ABCC1: variants seen among roughly 807,000 people sequenced by gnomAD.
ABCC1 encodes the protein multidrug resistance-associated protein 1.
In ABCC1, 83 loss-of-function variants were observed where a neutral mutation model predicts 172.9. The ratio of observed to expected loss-of-function variants is 0.48; its 90% CI spans 0.40 to 0.58. ABCC1 has a LOEUF of 0.58. ABCC1 is among the 20% of genes least tolerant of loss of function. ABCC1 has a pLI of 0.00. For synonymous variants in ABCC1, 937 were observed against 825.2 expected, an observed-to-expected ratio of 1.14 and a Z score of -2.32; for missense variants, 1,817 against 2,002.7, an observed-to-expected ratio of 0.91 and a Z score of 1.77.
intron 13 of ABCC1, among the ~76,000 whole-genome samples, chr16:16,069,608 A>C (rs1231003767): frequency 6.6e-6 from 1 of 152,160 alleles, no homozygotes; most frequent in East Asian, 1.9e-4. Context: ...AAAATTTGGT[A>C]GTACAAGGCT....
intron 14 of ABCC1, among the ~76,000 whole-genome samples, chr16:16,072,478 C>A (rs1448718401): frequency 9.2e-6 from 1 of 108,508 alleles, no homozygotes; most frequent in African/African-American, 3.6e-5. Context: ...AGCCAGTTCT[C>A]CTGGCCTTTT....
intron 21 of ABCC1, among the ~76,000 whole-genome samples, chr16:16,108,927 A>G (rs950739238): frequency 6.6e-6 from 1 of 151,896 alleles, no homozygotes; most frequent in Non-Finnish European, 1.5e-5. Flanking sequence ...AGCCCACCAC[A>G]TTCCACTACT....
At chr16:16,026,432 C>CAAAAAAAA (rs386384354) in intron 5 of ABCC1, among the ~76,000 whole-genome samples, 1 of 59,214 alleles carries the variant, frequency 1.7e-5, no homozygotes, top group African/African-American at 8.6e-5. Context: ...GAAACCGTCT[C>CAAAAAAAA]AAAAAAAAAA....
At position 16,039,020 on chromosome 16, in the gene ABCC1, C is replaced by T. The variant is rs1054153383; in HGVS notation, c.809+2417C>T. Among the ~76,000 whole-genome samples the T allele has an allele frequency of 3.3e-5, 5 of 152,206 alleles. No individual in the cohort carries two copies. In the East Asian group the frequency reaches 5.8e-4, roughly 18 times the overall value. On this transcript the variant is annotated intron_variant, in intron 7 of 30. Coordinates refer to ENST00000399410, the MANE Select transcript of ABCC1 (RefSeq NM_004996.4). ...AACTGACTGCTGCTTTTGTGCTTAG[C>T]GACGTTTAGTCCCTGAGGGTTCAGA...
chr16:15,990,961 C>A (rs974456127), intron 1 of ABCC1, among the ~76,000 whole-genome samples: 5 of 151,922 alleles, frequency 3.3e-5, no homozygotes, highest in African/African-American at 1.2e-4. Flanking sequence ...CTGCGCCCGG[C>A]CAGGATTTCT....
chr16:16,094,802 A>G (rs1469195103), intron 19 of ABCC1, among the ~76,000 whole-genome samples: 4 of 140,210 alleles, frequency 2.9e-5, no homozygotes, highest in Non-Finnish European at 4.5e-5. Flanking sequence ...GGCGTGAGCC[A>G]CTGCGCCTGG....
intron 13 of ABCC1, 51 bp downstream of exon 13, chr16:16,068,353 G>A (rs1322450423): frequency 1.2e-6 from 2 of 1,604,180 alleles, no homozygotes; most frequent in East Asian, 4.5e-5. Context: ...GGGGTTCTAG[G>A]CCACGAAAGC....
In ABCC1 at chr16:16,114,887, C is replaced by G; in HGVS notation, c.3201C>G (p.Thr1067=). The change falls in exon 23 of 31, where the codon ACC becomes ACG. Residue 1067 remains threonine (T), a synonymous_variant. Coordinates refer to ENST00000399410, the MANE Select transcript of ABCC1 (RefSeq NM_004996.4). ...CACCCATGAGCTTCTTTGAGCGGAC[C>G]CCCAGTGGGAACCTGGTGAACCGCT... ...LRSPMSFFER[T]PSGNLVNRFS... 6.2e-7 allele frequency: 1 copy of G among 1,613,910 alleles called. No homozygotes were observed.
chr16:15,997,260 T>C (rs2047090139), intron 1 of ABCC1, among the ~76,000 whole-genome samples: 1 of 152,048 alleles, frequency 6.6e-6, no homozygotes, highest in South Asian at 2.1e-4. Flanking sequence ...CTGGTGAATT[T>C]TTTTGTATTT....
chr16:16,038,081 A>T (rs1487896425), intron 7 of ABCC1, among the ~76,000 whole-genome samples: 2 of 150,912 alleles, frequency 1.3e-5, no homozygotes, highest in Admixed American at 6.6e-5. Flanking sequence ...AGATAGATGG[A>T]TGATAGATTG....
intron 14 of ABCC1, chr16:16,076,077 C>T (rs559743746): frequency 2.1e-5 from 11 of 514,510 alleles, no homozygotes; most frequent in South Asian, 8.5e-5. Flanking sequence ...GTCCAGATGG[C>T]GCAACCCCAT....
At chr16:16,071,521 C>CAGA in intron 13 of ABCC1, 121 bp from the exon 14 acceptor site, 1 of 697,510 alleles carries the variant, frequency 1.4e-6, no homozygotes, top group East Asian at 2.7e-5. Flanking sequence ...GTGGGACCTT[C>CAGA]AGAAATAAGG....
In ABCC1 at chr16:16,141,584, T is replaced by C. The variant is rs1848487517; in HGVS notation, c.*303T>C. The C allele has an allele frequency of 2.7e-6, 1 of 366,960 alleles. No individual in the cohort carries two copies. The highest frequency in any genetic ancestry group is 5.0e-5 in the South Asian group (1 of 20,050). 22.7% of individuals were successfully genotyped at this position (366,960 alleles called of 1,614,324 possible). A position where few individuals can be genotyped will look rare whatever the true frequency, so the allele number is the denominator to read the frequency against. ...AGGAATGCAAGTGGTTTCCTGGTGCTTCCCACGGAGGAGTTTTGGCAGCCA... is the reference window on the plus strand; with the variant it reads ...AGGAATGCAAGTGGTTTCCTGGTGCCTCCCACGGAGGAGTTTTGGCAGCCA... On this transcript the variant is annotated 3_prime_UTR_variant, in exon 31 of 31. Coordinates refer to ENST00000399410, the MANE Select transcript of ABCC1 (RefSeq NM_004996.4).
In ABCC1 at chr16:16,134,369, C is replaced by T. The variant is rs1315453560; in HGVS notation, c.3986C>T (p.Thr1329Met). Residue 1329 changes from threonine (T) to methionine (M), a missense_variant, in exon 28 of 31, where the codon ACG becomes ATG. Around this residue, in one of 3 missense-constraint regions of ABCC1, gnomAD observed 1,412 missense variants for 1,600.3 expected, o/e 0.88. Coordinates refer to ENST00000399410, the MANE Select transcript of ABCC1 (RefSeq NM_004996.4). ...GGEKVGIVGR[T>M]GAGKSSLTLG... ...CTGCAGGTCGGCATCGTGGGGCGGA[C>T]GGGAGCTGGGAAGTCGTCCCTGACC... 5 of 1,613,906 alleles carry T rather than the reference C, an allele frequency of 3.1e-6. No homozygotes were observed. Among genetic ancestry groups the T allele is most frequent in the African/African-American group, 1.3e-5 (1 of 74,872 alleles).
At chr16:16,055,714 TCTAAC>T (rs2049621392) in intron 11 of ABCC1, among the ~76,000 whole-genome samples, 1 of 151,962 alleles carries the variant, frequency 6.6e-6, no homozygotes. Flanking sequence ...TTCTCCAATG[TCTAAC>T]CTAACGTGAT....
chr16:16,048,745 G>A (rs1405417041), intron 10 of ABCC1, among the ~76,000 whole-genome samples: 1 of 152,190 alleles, frequency 6.6e-6, no homozygotes, highest in Non-Finnish European at 1.5e-5. Flanking sequence ...CCAGCACTTT[G>A]GGAGGCCGAG....
rs906821391 is a variant in ABCC1 at position 16,040,448 on chromosome 16, C to T, written c.809+3845C>T. ...GATTACAGGAATGTACCACCATGCCCGGCTAATTGTGTATTTTTAGTAGAG... is the reference window on the plus strand; with the variant it reads ...GATTACAGGAATGTACCACCATGCCTGGCTAATTGTGTATTTTTAGTAGAG... On this transcript the variant is annotated intron_variant, in intron 7 of 30. Coordinates refer to ENST00000399410, the MANE Select transcript of ABCC1 (RefSeq NM_004996.4). Among the ~76,000 whole-genome samples, 9 of 151,784 alleles carry T rather than the reference C, an allele frequency of 5.9e-5. No individual in the cohort carries two copies. The East Asian group carries it at 9.7e-4, about 16-fold the overall frequency.
chr16:15,959,235 G>A (rs546997175), intron 1 of ABCC1, among the ~76,000 whole-genome samples: 21 of 152,274 alleles, frequency 1.4e-4, no homozygotes, highest in Non-Finnish European at 2.9e-5. Flanking sequence ...TTTACTGAGG[G>A]CTGTGTCTTT....
At position 16,121,984 on chromosome 16, in the gene ABCC1, G is replaced by A. The variant is rs760937281; in HGVS notation, c.3400G>A (p.Val1134Met). The change falls in exon 24 of 31, where the codon GTG (valine) becomes ATG (methionine). Residue 1134 changes from valine (V) to methionine (M), a missense_variant. Transcript: ENST00000399410. ...CTGTTCTCTACCCCAGAGGTTCTAC[G>A]TGGCTTCCTCCCGGCAGCTGAAGCG... ...LIYFFVQRFYVASSRQLKRLE... is the reference protein window; with the variant it reads ...LIYFFVQRFYMASSRQLKRLE... 1.1e-5 allele frequency: 17 copies of A among 1,614,062 alleles called. No individual in the cohort carries two copies. Among genetic ancestry groups the A allele is most frequent in the East Asian group, 4.5e-5 (2 of 44,898 alleles).
Sources: gnomAD v4.1 joint callset for allele counts (sites outside exome capture counted in the v4.1 genomes callset) on GRCh38, gnomAD v4.1.1 for gene constraint, gnomAD v4.1.1 regional missense constraint, MANE v1.5 for transcripts, NCBI Gene and HGNC (gene_info 2026-07-23, HGNC 2026-07-21) for gene names.